The following RDX variants were observed in gnomAD, a reference collection of about 807,000 sequenced individuals.
The protein encoded by RDX is radixin, also known as deafness, autosomal recessive 24.
In RDX, 32 loss-of-function variants were observed where a neutral mutation model predicts 83.7. The observed-to-expected ratio is 0.38, with a 90% CI of 0.29 to 0.51. The LOEUF is 0.51. Among genes scored for constraint, RDX ranks in the 20% least tolerant of loss-of-function variants. The pLI is 0.87. For synonymous variants in RDX, 229 were observed against 222.7 expected (o/e 1.03, Z -0.25); for missense variants, 600 against 689.9 (o/e 0.87, Z 1.46).
At chr11:110,270,947 A>G (rs975782718) in intron 3 of RDX, among the ~76,000 whole-genome samples, 3 of 152,244 alleles carry the variant, frequency 2.0e-5, no homozygotes, top group African/African-American at 7.2e-5. Flanking sequence ...CAAATAAGAT[A>G]GACTGTATAT....
chr11:110,217,214 C>G (rs1263601822), intron 14 of RDX, among the ~76,000 whole-genome samples: 1 of 152,178 alleles, frequency 6.6e-6, no homozygotes, highest in Non-Finnish European at 1.5e-5. Context: ...CTAACTCAGT[C>G]CCTTATTTCA....
chr11:110,190,028 A>G (rs1299019554), intron 15 of RDX, among the ~76,000 whole-genome samples: 1 of 152,184 alleles, frequency 6.6e-6, no homozygotes, highest in Non-Finnish European at 1.5e-5. Flanking sequence ...GGATGTGGTG[A>G]GCCGAGATCG....
rs776993573 is a variant in RDX, at chr11:110,255,357, T to G, written c.727A>C (p.Ser243Arg). ...KLTPKIGFPWSEIRNISFNDK... is the reference protein window; with the variant it reads ...KLTPKIGFPWREIRNISFNDK... The stretch of plus-strand genomic sequence containing the variant: ...TTAAATGAAATATTTCTGATTTCAC[T>G]CCAGGGAAAACCAATTTTAGGTGTT... The change falls in exon 8 of 14, where the codon AGT (serine) becomes CGT (arginine). Residue 243 changes from serine to arginine, a missense_variant. Coordinates refer to ENST00000645495, the MANE Select transcript of RDX (RefSeq NM_002906.4). 3.1e-6 allele frequency: 5 copies of G among 1,592,442 alleles called. No individual in the cohort carries two copies. In the African/African-American group the frequency reaches 6.7e-5, roughly 21 times the overall value.
chr11:110,209,755 C>A (rs892673302), intron 14 of RDX, among the ~76,000 whole-genome samples: 2 of 145,482 alleles, frequency 1.4e-5, no homozygotes, highest in Non-Finnish European at 3.0e-5. Context: ...CAGGGTACTC[C>A]AACAGACCTG....
chr11:110,197,644 A>G (rs114547704), intron 15 of RDX, among the ~76,000 whole-genome samples: 4 of 152,248 alleles, frequency 2.6e-5, no homozygotes, highest in African/African-American at 9.6e-5. Flanking sequence ...AAAAATCATA[A>G]AAGATCAGGT....
At chr11:110,263,562 GAA>G (rs34908137) in intron 5 of RDX, 55,199 of 151,604 alleles carry the variant, frequency 0.36, 10,275 homozygotes, top group African/African-American at 0.47. Flanking sequence ...TTAAAATCTG[GAA>G]AAAAAAAAAA....
chr11:110,295,686 A>G (rs546574752), intron 1 of RDX, among the ~76,000 whole-genome samples: 1 of 151,070 alleles, frequency 6.6e-6, no homozygotes, highest in East Asian at 1.9e-4. Flanking sequence ...TTTCAAAGTT[A>G]GTCCGGGAAT....
At chr11:110,237,408 T>C (rs1864899530) in intron 11 of RDX, 84 bp downstream of exon 11, 4 of 1,340,064 alleles carry the variant, frequency 3.0e-6, no homozygotes, top group Non-Finnish European at 4.1e-6. Context: ...AAGCACAAAA[T>C]GGTTGCTTTT....
chr11:110,215,317 C>T (rs1012552259), intron 14 of RDX, among the ~76,000 whole-genome samples: 5 of 149,670 alleles, frequency 3.3e-5, no homozygotes, highest in African/African-American at 1.2e-4. Context: ...GAGCTGAGAT[C>T]GTGCCACTGA....
intron 1 of RDX, among the ~76,000 whole-genome samples, chr11:110,281,502 T>C (rs1860760031): frequency 6.6e-6 from 1 of 152,076 alleles, no homozygotes; most frequent in Non-Finnish European, 1.5e-5. Context: ...AATATTTGTA[T>C]TTTTAGTAGA....
At chr11:110,209,678 C>T (rs1249763982) in intron 14 of RDX, among the ~76,000 whole-genome samples, 4 of 146,730 alleles carry the variant, frequency 2.7e-5, no homozygotes, top group African/African-American at 7.5e-5. Context: ...GGGTCCCTGA[C>T]CCCTGACCCC....
intron 2 of RDX, among the ~76,000 whole-genome samples, chr11:110,277,912 G>C (rs997397278): frequency 6.6e-6 from 1 of 152,076 alleles, no homozygotes; most frequent in East Asian, 1.9e-4. Flanking sequence ...TTTTCTTCTA[G>C]ATGTTTTACA....
chr11:110,215,102 T>G (rs1164747530), intron 14 of RDX, among the ~76,000 whole-genome samples: 1 of 149,610 alleles, frequency 6.7e-6, no homozygotes, highest in African/African-American at 2.4e-5. Context: ...GGCTTATGCC[T>G]GTGATCCCAG....
rs373919429 is a variant in RDX at position 110,247,683 on chromosome 11, T to C, written c.1090+20A>G. ...GAGCAATAATAATTTTTAATCCATTTTCAAAAAAGAAACTTTTACCTTTCT... is the reference window on the plus strand; with the variant it reads ...GAGCAATAATAATTTTTAATCCATTCTCAAAAAAGAAACTTTTACCTTTCT... On this transcript the variant is annotated intron_variant, in intron 10 of 13. Transcript: ENST00000645495. The C allele has an allele frequency of 3.7e-6, 6 of 1,608,390 alleles. No homozygotes were observed. Among genetic ancestry groups the C allele is most frequent in the Non-Finnish European group, 5.1e-6 (6 of 1,178,480 alleles).
intron 15 of RDX, among the ~76,000 whole-genome samples, chr11:110,192,063 G>A (rs1303595573): frequency 6.6e-6 from 1 of 152,090 alleles, no homozygotes; most frequent in Non-Finnish European, 1.5e-5. Context: ...ATCCAAGAAA[G>A]AGCCCAAATA....
chr11:110,219,386 C>T (rs888728817), intron 14 of RDX, among the ~76,000 whole-genome samples: 3 of 152,222 alleles, frequency 2.0e-5, no homozygotes, highest in Non-Finnish European at 4.4e-5. Flanking sequence ...ATGGCTTTTA[C>T]TCAGAGATGG....
downstream of RDX, among the ~76,000 whole-genome samples, chr11:110,225,838 GGA>G (rs1330443621): frequency 1.3e-5 from 2 of 151,778 alleles, no homozygotes; most frequent in Non-Finnish European, 2.9e-5. Context: ...CCTGAGGTTA[GGA>G]GTTCAAGACC....
At chr11:110,175,429 A>G (rs1037044570) in intron 15 of RDX, among the ~76,000 whole-genome samples, 7 of 152,236 alleles carry the variant, frequency 4.6e-5, no homozygotes, top group Non-Finnish European at 1.0e-4. Context: ...ATTCACCATG[A>G]GATTAAAAAT....
chr11:110,218,618 T>C (rs1487801847), intron 14 of RDX, among the ~76,000 whole-genome samples: 2 of 152,230 alleles, frequency 1.3e-5, no homozygotes, highest in Non-Finnish European at 2.9e-5. Flanking sequence ...TTTCTAGTAT[T>C]TCACGGTACT....
Sources: allele counts gnomAD v4.1 joint callset (sites outside exome capture counted in the v4.1 genomes callset), GRCh38; gene constraint gnomAD v4.1.1; transcripts MANE v1.5; gene names NCBI Gene and HGNC (gene_info 2026-07-23, HGNC 2026-07-21).